EHF: variants seen among roughly 807,000 people sequenced by gnomAD.
The protein encoded by EHF is ETS homologous factor.
In EHF, 14 loss-of-function variants were observed where a neutral mutation model predicts 45.1. That is an observed-to-expected ratio of 0.31 (90% CI 0.21 to 0.49). The LOEUF (loss-of-function observed/expected upper bound fraction) is 0.49. EHF is among the 20% of genes least tolerant of loss of function. EHF has a pLI of 0.99. For missense variants in EHF, 282 were observed against 371.4 expected, an observed-to-expected ratio of 0.76 and a Z score of 1.98; for synonymous variants, 136 against 131.8, an observed-to-expected ratio of 1.03 and a Z score of -0.22.
intron 1 of EHF, among the ~76,000 whole-genome samples, chr11:34,630,494 T>G (rs765903493): frequency 6.6e-6 from 1 of 152,222 alleles, no homozygotes. Context: ...AATTATATAA[T>G]CTTCAAGATT....
intron 4 of EHF, among the ~76,000 whole-genome samples, chr11:34,650,812 T>C (rs1440508170): frequency 1.3e-5 from 2 of 152,224 alleles, no homozygotes; most frequent in Admixed American, 6.5e-5. Context: ...GTGAGAGGTG[T>C]TTACCGCAGC....
chr11:34,624,813 G>C (rs1464253060), intron 1 of EHF, among the ~76,000 whole-genome samples: 1 of 152,136 alleles, frequency 6.6e-6, no homozygotes, highest in African/African-American at 2.4e-5. Context: ...TCCAGCTTTG[G>C]AGTGATGGGA....
At position 34,660,777 on chromosome 11, in the gene EHF, C is replaced by T. The variant is rs572826770; in HGVS notation, c.*1846C>T. Reference sequence around the variant, plus strand: ...CATAAGAAGGAGTGCTCTTCATCAACTAATAGAGCACCTACCACAGTGTCA... The same window carrying T: ...CATAAGAAGGAGTGCTCTTCATCAATTAATAGAGCACCTACCACAGTGTCA... On this transcript the variant is annotated 3_prime_UTR_variant, in exon 9 of 9. Coordinates refer to ENST00000257831, the MANE Select transcript of EHF (RefSeq NM_012153.6). The T allele has an allele frequency of 2.5e-4, 38 of 152,258 alleles. No homozygotes were observed. The highest frequency in any genetic ancestry group is 9.1e-4 in the African/African-American group (38 of 41,560). The allele number at this position is 152,258 out of a possible 1,614,324, so 9.4% of individuals were successfully genotyped here. A position where few individuals can be genotyped will look rare whatever the true frequency, so the allele number is the denominator to read the frequency against.
At chr11:34,649,178 G>C in intron 4 of EHF, 97 bp downstream of exon 4, 2 of 1,297,008 alleles carry the variant, frequency 1.5e-6, no homozygotes, top group East Asian at 4.7e-5. Flanking sequence ...GCAAGTTTTT[G>C]CAGGAAACAC....
chr11:34,629,365 G>C (rs1377496), intron 1 of EHF, among the ~76,000 whole-genome samples: 1 of 152,058 alleles, frequency 6.6e-6, no homozygotes, highest in Non-Finnish European at 1.5e-5. Flanking sequence ...ACAGAATAAA[G>C]TCTGTTCTGG....
In EHF at chr11:34,657,018, G is replaced by T. The variant is rs149105390; in HGVS notation, c.607+48G>T. 1.9e-6 allele frequency: 3 copies of T among 1,605,692 alleles called. No individual in the cohort carries two copies. The South Asian group carries it at 3.3e-5, about 18-fold the overall frequency. ...GGCCTTTGGTCCTTCCCATCACATC[G>T]GGCACATCTGGAGGCCACTAGTTTT... On this transcript the variant is annotated intron_variant, in intron 7 of 8. Coordinates refer to ENST00000257831, the MANE Select transcript of EHF (RefSeq NM_012153.6).
intron 2 of EHF, among the ~76,000 whole-genome samples, chr11:34,644,389 G>A (rs1308602916): frequency 6.6e-6 from 1 of 152,230 alleles, no homozygotes; most frequent in Non-Finnish European, 1.5e-5. Context: ...CCCAAGGTCT[G>A]TGTATTTGGG....
At chr11:34,651,947 G>A in intron 6 of EHF, 142 bp downstream of exon 6, 1 of 817,088 alleles carries the variant, frequency 1.2e-6, no homozygotes, top group Non-Finnish European at 1.8e-6. Context: ...CATTAGACGA[G>A]GTTTGCTTTT....
At chr11:34,646,831 G>A in intron 3 of EHF, 147 bp downstream of exon 3, 2 of 1,082,908 alleles carry the variant, frequency 1.8e-6, no homozygotes, top group Non-Finnish European at 2.7e-6. Flanking sequence ...AGAAATGGAA[G>A]GAAGATGAAA....
chr11:34,647,000 CAA>C (rs1294843401), intron 3 of EHF: 1 of 366,182 alleles, frequency 2.7e-6, no homozygotes, highest in Non-Finnish European at 4.8e-6. Flanking sequence ...CTTTCCTTTG[CAA>C]ACAGTCCAGT....
chr11:34,647,300 G>C (rs1391461607), intron 3 of EHF, among the ~76,000 whole-genome samples: 1 of 152,196 alleles, frequency 6.6e-6, no homozygotes, highest in African/African-American at 2.4e-5. Context: ...TTTCTGTGGT[G>C]GTTTCTGGAA....
In EHF at chr11:34,660,228, C is replaced by G. The variant is rs765395746; in HGVS notation, c.*1297C>G. ...AGTAAGCATAGTAATGTAGCAGGAA[C>G]TACAATAGAAGACATTTTCACTGGA... On this transcript the variant is annotated 3_prime_UTR_variant, in exon 9 of 9. Coordinates refer to ENST00000257831, the MANE Select transcript of EHF (RefSeq NM_012153.6). 6.6e-6 allele frequency: 1 copy of G among 152,034 alleles called. No homozygotes were observed. Among genetic ancestry groups the G allele is most frequent in the South Asian group, 2.1e-4 (1 of 4,822 alleles). The allele number at this position is 152,034 out of a possible 1,614,324, so 9.4% of individuals were successfully genotyped here.
intron 1 of EHF, among the ~76,000 whole-genome samples, chr11:34,629,931 G>T (rs1852719953): frequency 6.6e-6 from 1 of 152,066 alleles, no homozygotes; most frequent in South Asian, 2.1e-4. Flanking sequence ...CAGACAGCCA[G>T]TCCTAACCCC....
chr11:34,651,486 C>CTAATT, intron 4 of EHF, 56 bp from the exon 5 acceptor site: 1 of 1,472,750 alleles, frequency 6.8e-7, no homozygotes, highest in Non-Finnish European at 9.4e-7. Context: ...AAAACGCAGC[C>CTAATT]TCTTCTCCCT....
At chr11:34,632,783 T>A in intron 1 of EHF, 1 of 1,095,198 alleles carries the variant, frequency 9.1e-7, no homozygotes, top group East Asian at 2.6e-5. Flanking sequence ...GGAAGCCGTG[T>A]CCTTGTGAAT....
intron 1 of EHF, among the ~76,000 whole-genome samples, chr11:34,641,364 G>A (rs573775342): frequency 6.6e-6 from 1 of 152,162 alleles, no homozygotes; most frequent in Non-Finnish European, 1.5e-5. Context: ...TTGAATAAAT[G>A]AATACATGAA....
chr11:34,656,077 C>T (rs112748799), intron 6 of EHF, among the ~76,000 whole-genome samples: 5 of 134,528 alleles, frequency 3.7e-5, no homozygotes, highest in Non-Finnish European at 6.6e-5. Flanking sequence ...CACACACACA[C>T]ATATACACAC....
intron 2 of EHF, among the ~76,000 whole-genome samples, chr11:34,643,006 C>G (rs533724829): frequency 2.0e-5 from 3 of 151,974 alleles, no homozygotes; most frequent in South Asian, 2.1e-4. Flanking sequence ...AGGAAAGACT[C>G]TCTGTTGGAG....
intron 1 of EHF, among the ~76,000 whole-genome samples, chr11:34,636,883 G>T (rs1192201138): frequency 6.6e-6 from 1 of 152,094 alleles, no homozygotes; most frequent in Non-Finnish European, 1.5e-5. Flanking sequence ...TACAAAATTA[G>T]CCGGGCGTGG....
Sources: gnomAD v4.1 joint callset for allele counts (sites outside exome capture counted in the v4.1 genomes callset) on GRCh38, gnomAD v4.1.1 for gene constraint, MANE v1.5 for transcripts, NCBI Gene and HGNC (gene_info 2026-07-23, HGNC 2026-07-21) for gene names.